ERC1: variants seen among roughly 807,000 people sequenced by gnomAD.
ERC1 encodes the protein ELKS/RAB6-interacting/CAST family member 1.
In ERC1, 56 loss-of-function variants were observed where a neutral mutation model predicts 132.0. That is an observed-to-expected ratio of 0.42 (90% CI 0.34 to 0.53). The LOEUF (loss-of-function observed/expected upper bound fraction) is 0.53. Ranked by LOEUF, ERC1 falls within the 20% of genes least tolerant of loss-of-function variation. The pLI, the probability that ERC1 is intolerant of heterozygous loss-of-function variation, is 0.03. For synonymous variants in ERC1, 478 were observed against 476.1 expected, an observed-to-expected ratio of 1.00 and a Z score of -0.05; for missense variants, 1,202 against 1,349.9, an observed-to-expected ratio of 0.89 and a Z score of 1.72.
At chr12:1,204,409 T>C in intron 12 of ERC1, 1 of 1,043,474 alleles carries the variant, frequency 9.6e-7, no homozygotes, top group East Asian at 2.6e-5. Context: ...CATTTTATGA[T>C]GTCCATGAAT....
chr12:1,176,863 T>G (rs1219048400), intron 8 of ERC1, among the ~76,000 whole-genome samples: 1 of 152,240 alleles, frequency 6.6e-6, no homozygotes, highest in Non-Finnish European at 1.5e-5. Context: ...AGAAGTAACT[T>G]CAATGGCAAA....
intron 14 of ERC1, among the ~76,000 whole-genome samples, chr12:1,283,640 T>C (rs2078840776): frequency 6.6e-6 from 1 of 152,230 alleles, no homozygotes. Context: ...GCTTTAGAAC[T>C]TACTTGGATA....
At chr12:1,440,108 CT>C (rs1407427028) in intron 17 of ERC1, among the ~76,000 whole-genome samples, 2 of 151,928 alleles carry the variant, frequency 1.3e-5, no homozygotes, top group African/African-American at 2.4e-5. Context: ...TAATCCATCA[CT>C]TCAAACATTT....
At chr12:1,090,875 A>G (rs375241604) in intron 3 of ERC1, among the ~76,000 whole-genome samples, 1,122 of 14,778 alleles carry the variant, frequency 0.076, 296 homozygotes, top group African/African-American at 0.18. Context: ...TGTTATTATT[A>G]TTATTATTAT....
chr12:1,468,276 A>G (rs1335637938), intron 18 of ERC1, among the ~76,000 whole-genome samples: 1 of 152,130 alleles, frequency 6.6e-6, no homozygotes. Flanking sequence ...TGCAGGGGGA[A>G]GGCTTCACGA....
At chr12:1,151,992 A>T (rs1336590072) in intron 8 of ERC1, 1 of 152,308 alleles carries the variant, frequency 6.6e-6, no homozygotes, top group Non-Finnish European at 1.5e-5. Context: ...TGAGGTCAGG[A>T]GTTCGAGACC....
intron 15 of ERC1, among the ~76,000 whole-genome samples, chr12:1,340,383 ACT>A (rs1342364870): frequency 6.6e-6 from 1 of 151,798 alleles, no homozygotes; most frequent in Non-Finnish European, 1.5e-5. Flanking sequence ...TCCACTACAG[ACT>A]CTACCACACC....
chr12:1,153,590 G>C (rs190190267), intron 8 of ERC1, among the ~76,000 whole-genome samples: 27 of 152,360 alleles, frequency 1.8e-4, no homozygotes, highest in Non-Finnish European at 3.8e-4. Context: ...CTTAATTTTG[G>C]TTCCTTTTCT....
At chr12:1,381,779 C>A (rs1180660079) in intron 16 of ERC1, among the ~76,000 whole-genome samples, 1 of 152,204 alleles carries the variant, frequency 6.6e-6, no homozygotes, top group Non-Finnish European at 1.5e-5. Context: ...CTCTTCAAGA[C>A]TCATCATGAT....
intron 12 of ERC1, among the ~76,000 whole-genome samples, chr12:1,230,023 T>C (rs77359650): frequency 7.2e-6 from 1 of 138,566 alleles, no homozygotes; most frequent in African/African-American, 2.7e-5. Flanking sequence ...TTTTTTTTTT[T>C]TGAGTTGGAG....
intron 7 of ERC1, among the ~76,000 whole-genome samples, chr12:1,128,553 C>T (rs1429237363): frequency 6.6e-6 from 1 of 152,028 alleles, no homozygotes; most frequent in African/African-American, 2.4e-5. Flanking sequence ...CTGTTTAGTA[C>T]AGTGTGTTTG....
At chr12:1,349,937 C>G (rs1349095739) in intron 15 of ERC1, among the ~76,000 whole-genome samples, 1 of 152,164 alleles carries the variant, frequency 6.6e-6, no homozygotes, top group Non-Finnish European at 1.5e-5. Flanking sequence ...GGTCTCTAAG[C>G]AGAGAATGCT....
intron 14 of ERC1, among the ~76,000 whole-genome samples, chr12:1,263,549 G>A (rs942594286): frequency 3.3e-5 from 5 of 152,176 alleles, no homozygotes; most frequent in African/African-American, 1.2e-4. Flanking sequence ...ACTTAGGTCT[G>A]ATCCCATATA....
chr12:1,177,817 A>C (rs1308176942), intron 8 of ERC1, among the ~76,000 whole-genome samples: 1 of 152,224 alleles, frequency 6.6e-6, no homozygotes, highest in Non-Finnish European at 1.5e-5. Flanking sequence ...AGTTAGTAAA[A>C]AACCCGTATC....
At chr12:1,051,854 TTTC>T in intron 2 of ERC1, among the ~76,000 whole-genome samples, 1 of 151,900 alleles carries the variant, frequency 6.6e-6, no homozygotes, top group African/African-American at 2.4e-5. Flanking sequence ...CTTCTCTTGT[TTTC>T]TGTTCTTGAT....
chr12:1,378,545 A>G (rs1277301137), intron 16 of ERC1, among the ~76,000 whole-genome samples: 2 of 152,234 alleles, frequency 1.3e-5, no homozygotes, highest in East Asian at 3.8e-4. Flanking sequence ...TTCCTTAGAC[A>G]TGAAATCCAT....
intron 7 of ERC1, among the ~76,000 whole-genome samples, chr12:1,137,489 GATA>G (rs919430520): frequency 3.9e-5 from 6 of 152,088 alleles, no homozygotes; most frequent in African/African-American, 1.2e-4. Context: ...AAAATAGGGA[GATA>G]ATGTTAGCTA....
At chr12:1,324,761 A>G (rs772164584) in intron 15 of ERC1, among the ~76,000 whole-genome samples, 18 of 152,210 alleles carry the variant, frequency 1.2e-4, no homozygotes, top group Non-Finnish European at 2.5e-4. Context: ...CCTAAGGTAA[A>G]TCTTCCAATT....
chr12:991,376 T>A (rs1021499550), intron 1 of ERC1, 54 bp downstream of exon 1: 29 of 155,920 alleles, frequency 1.9e-4, no homozygotes, highest in African/African-American at 6.5e-4. Context: ...GACCCAGAGC[T>A]TCCCCCCTGT....
Sources: allele counts gnomAD v4.1 joint callset (sites outside exome capture counted in the v4.1 genomes callset), GRCh38; gene constraint gnomAD v4.1.1; transcripts MANE v1.5; gene names NCBI Gene and HGNC (gene_info 2026-07-23, HGNC 2026-07-21).